Variants in NTN1 observed in about 807,000 individuals in gnomAD.
NTN1 encodes the protein netrin 1.
In NTN1, 11 loss-of-function variants were observed where a neutral mutation model predicts 54.2. The ratio of observed to expected loss-of-function variants is 0.20; its 90% CI spans 0.13 to 0.34. NTN1 has a LOEUF of 0.34. Ranked by LOEUF, NTN1 falls within the 10% of genes least tolerant of loss-of-function variation. The pLI, the probability that NTN1 is intolerant of heterozygous loss-of-function variation, is 1.00. For synonymous variants in NTN1, 371 were observed against 382.0 expected, an observed-to-expected ratio of 0.97 and a Z score of 0.33; for missense variants, 740 against 893.1, an observed-to-expected ratio of 0.83 and a Z score of 2.18.
In NTN1 at chr17:9,132,415, G is replaced by A. The variant is rs141095707; in HGVS notation, c.1019-30398G>A. ...TACCCAGCGCACACCTTGTACATCC[G>A]TCTTCTCTAGCAGGGACCTACTCCC... On this transcript the variant is annotated intron_variant, in intron 2 of 6. Coordinates refer to ENST00000173229, the MANE Select transcript of NTN1 (RefSeq NM_004822.3). Among the ~76,000 whole-genome samples the A allele has an allele frequency of 7.1e-4, 108 of 152,232 alleles. 1 individual carries two copies. Among genetic ancestry groups the A allele is most frequent in the African/African-American group, 2.6e-3 (107 of 41,528 alleles).
chr17:9,239,730 G>A lies in NTN1; in HGVS notation c.1577G>A (p.Ser526Asn), dbSNP rs753221564. 1.7e-5 allele frequency: 28 copies of A among 1,613,524 alleles called. No homozygotes were observed. The highest frequency in any genetic ancestry group is 2.3e-5 in the Non-Finnish European group (27 of 1,180,036). Residue 526 changes from serine to asparagine, a missense_variant, in exon 7 of 7, where the codon AGC becomes AAC. Transcript: ENST00000173229. This position sits in a 1 kb window ranked among gnomAD's most constrained non-coding sequence, Gnocchi z 5.2. ...ATCTCCGTGTATAAGCAGGGCACGA[G>A]CCGCATCCGCCGCGGTGACCAGAGC... ...NIISVYKQGT[S>N]RIRRGDQSLW...
intron 2 of NTN1, among the ~76,000 whole-genome samples, chr17:9,090,816 T>C (rs895757958): frequency 1.3e-5 from 2 of 152,078 alleles, no homozygotes; most frequent in Non-Finnish European, 2.9e-5. Context: ...GGCAGGGCCT[T>C]GAGGAGGCTT....
chr17:9,111,238 G>C (rs1334270079), intron 2 of NTN1, among the ~76,000 whole-genome samples: 2 of 152,102 alleles, frequency 1.3e-5, no homozygotes, highest in Non-Finnish European at 2.9e-5. Flanking sequence ...GCCCTGCCCA[G>C]CATGATCTTT....
At chr17:9,210,449 CA>C (rs56152939) in intron 5 of NTN1, among the ~76,000 whole-genome samples, 51,858 of 105,876 alleles carry the variant, frequency 0.49, 9,439 homozygotes, top group African/African-American at 0.58. Flanking sequence ...CACACCCACA[CA>C]CACACACACA....
chr17:9,236,441 A>G (rs755411156), intron 6 of NTN1, among the ~76,000 whole-genome samples: 1 of 152,200 alleles, frequency 6.6e-6, no homozygotes, highest in Non-Finnish European at 1.5e-5. Flanking sequence ...CGCATTTTGA[A>G]TATTTTCAGC....
chr17:9,224,737 C>T (rs924074022), intron 6 of NTN1, among the ~76,000 whole-genome samples: 7 of 152,238 alleles, frequency 4.6e-5, no homozygotes, highest in African/African-American at 1.4e-4. Context: ...ATGGCCCAGG[C>T]GCGTCACCCA....
intron 5 of NTN1, among the ~76,000 whole-genome samples, chr17:9,190,342 A>G (rs1904419676): frequency 6.6e-6 from 1 of 152,346 alleles, no homozygotes; most frequent in African/African-American, 2.4e-5. Context: ...TAATCTGTAT[A>G]TTAGCATAAT....
rs150473316 is a variant in NTN1 at position 9,211,444 on chromosome 17, G to A, written c.1412-9724G>A. Among the ~76,000 whole-genome samples the A allele has an allele frequency of 3.7e-4, 57 of 152,246 alleles. No individual in the cohort carries two copies. The East Asian group carries it at 9.5e-3, about 25-fold the overall frequency. On this transcript the variant is annotated intron_variant, in intron 5 of 6. Coordinates refer to ENST00000173229, the MANE Select transcript of NTN1 (RefSeq NM_004822.3). The surrounding 1 kb of genome is among the most constrained non-coding windows in gnomAD (Gnocchi z 4.4). ...GTCAGGAATGGGAGTGATGACACTC[G>A]TGCTGTTGGCCTCTCCCCTCCTGCT...
chr17:9,171,181 G>T (rs2092386306), intron 3 of NTN1: 1 of 152,212 alleles, frequency 6.6e-6, no homozygotes, highest in Non-Finnish European at 1.5e-5. Flanking sequence ...GACGTTTGGG[G>T]ATTATCTTCA....
chr17:9,221,418 C>T lies in NTN1; in HGVS notation c.1486+176C>T, dbSNP rs944511411. Among the ~76,000 whole-genome samples the T allele has an allele frequency of 3.3e-5, 5 of 152,306 alleles. No homozygotes were observed. The South Asian group carries it at 1.0e-3, about 32-fold the overall frequency. ...AATTTCTCATCTTTTCCTCCTTGGC[C>T]CTCAGAGACGGGGGCATGAGGAGCC... On this transcript the variant is annotated intron_variant, in intron 6 of 6. Coordinates refer to ENST00000173229, the MANE Select transcript of NTN1 (RefSeq NM_004822.3). The surrounding 1 kb of genome is among the most constrained non-coding windows in gnomAD (Gnocchi z 4.5).
At chr17:9,060,554 G>T (rs1206362751) in intron 2 of NTN1, among the ~76,000 whole-genome samples, 1 of 152,186 alleles carries the variant, frequency 6.6e-6, no homozygotes, top group East Asian at 1.9e-4. Context: ...ATAACCAGCA[G>T]TTGAGGACGG....
At chr17:9,132,077 T>C (rs969373068) in intron 2 of NTN1, among the ~76,000 whole-genome samples, 1 of 151,908 alleles carries the variant, frequency 6.6e-6, no homozygotes, top group Non-Finnish European at 1.5e-5. Context: ...TCTGTTTCAA[T>C]ACTCTGTCCG....
rs538156492 is a variant in NTN1, at chr17:9,065,293, G to A, written c.1018+41902G>A. Among the ~76,000 whole-genome samples the A allele has an allele frequency of 1.4e-4, 21 of 152,158 alleles. 1 individual carries two copies. In the South Asian group the frequency reaches 2.9e-3, roughly 21 times the overall value. ...GCTATAAACCCAGAGTGGCTCCGTCGGACGGTGGCACAGATTCCTTCCCTG... is the reference window on the plus strand; with the variant it reads ...GCTATAAACCCAGAGTGGCTCCGTCAGACGGTGGCACAGATTCCTTCCCTG... On this transcript the variant is annotated intron_variant, in intron 2 of 6. Transcript: ENST00000173229.
chr17:9,147,293 C>T (rs1567721965), intron 2 of NTN1, among the ~76,000 whole-genome samples: 1 of 152,198 alleles, frequency 6.6e-6, no homozygotes, highest in Non-Finnish European at 1.5e-5. Context: ...ATCACGAGGT[C>T]AGGAGATCGA....
intron 2 of NTN1, among the ~76,000 whole-genome samples, chr17:9,058,424 C>T (rs2091985711): frequency 6.6e-6 from 1 of 152,014 alleles, no homozygotes; most frequent in Non-Finnish European, 1.5e-5. Flanking sequence ...TTAGTGCATC[C>T]TATTGAATGC....
chr17:9,113,050 G>A (rs1304044960), intron 2 of NTN1, among the ~76,000 whole-genome samples: 3 of 146,012 alleles, frequency 2.1e-5, no homozygotes, highest in African/African-American at 7.6e-5. Flanking sequence ...TTGAGACAGA[G>A]TCTCACTCTG....
chr17:9,030,028 T>TC (rs977773472), intron 2 of NTN1, among the ~76,000 whole-genome samples: 18 of 151,766 alleles, frequency 1.2e-4, no homozygotes, highest in Admixed American at 2.6e-4. Context: ...TATGTGAATT[T>TC]CCCCCCACAT....
chr17:9,138,033 C>G (rs150644566), intron 2 of NTN1, among the ~76,000 whole-genome samples: 1 of 152,206 alleles, frequency 6.6e-6, no homozygotes, highest in Non-Finnish European at 1.5e-5. Context: ...CTCCCCAGCC[C>G]AGCCTTCCCT....
chr17:9,123,114 G>A (rs569044313), intron 2 of NTN1, among the ~76,000 whole-genome samples: 27 of 152,120 alleles, frequency 1.8e-4, no homozygotes, highest in Admixed American at 1.0e-3. Context: ...CTTTTGACGC[G>A]TTTGTATCTT....
Sources: gnomAD v4.1 joint callset for allele counts (sites outside exome capture counted in the v4.1 genomes callset) on GRCh38, gnomAD v4.1.1 for gene constraint, Gnocchi (gnomAD v3.1) non-coding constraint, MANE v1.5 for transcripts, NCBI Gene and HGNC (gene_info 2026-07-23, HGNC 2026-07-21) for gene names.